ANKRD31: variants seen among roughly 807,000 people sequenced by gnomAD.
ANKRD31 encodes the protein ankyrin repeat domain-containing protein 31.
A neutral mutation model predicts 186.0 loss-of-function variants in ANKRD31; 147 were observed. The observed-to-expected ratio is 0.79, with a 90% CI of 0.69 to 0.91. The LOEUF (loss-of-function observed/expected upper bound fraction) is 0.91, where lower values mean the gene tolerates loss of function less well. Ranked by LOEUF, ANKRD31 falls within the 40% of genes least tolerant of loss-of-function variation. The pLI, the probability that ANKRD31 is intolerant of heterozygous loss-of-function variation, is 0.00. For synonymous variants in ANKRD31, 673 were observed against 736.4 expected (o/e 0.91, Z 1.39); for missense variants, 1,986 against 2,148.8 (o/e 0.92, Z 1.50).
At position 75,193,539 on chromosome 5, in the gene ANKRD31, A is replaced by G. The variant is rs1238839271; in HGVS notation, c.1070T>C (p.Ile357Thr). The G allele has an allele frequency of 4.6e-6, 7 of 1,536,740 alleles. No homozygotes were observed. Among genetic ancestry groups the G allele is most frequent in the Non-Finnish European group, 6.1e-6 (7 of 1,146,668 alleles). Residue 357 changes from isoleucine to threonine, a missense_variant, in exon 8 of 26, where the codon ATC becomes ACC. By Grantham distance (89) the Ile-to-Thr change is moderately conservative. Transcript: ENST00000506364. ...ATTACTTAGTGGCTCACAAGAAGTG[A>G]TATTTTGATGAGCCAAAGTTTGCAA... ...SGLQTLAHQN[I>T]TSCEPLSNKR...
At chr5:75,184,014 T>C (rs1754519410) in intron 10 of ANKRD31, among the ~76,000 whole-genome samples, 1 of 152,092 alleles carries the variant, frequency 6.6e-6, no homozygotes, top group African/African-American at 2.4e-5. Context: ...TACTTAGCTC[T>C]ATTAATGAGA....
rs1222041659 is a variant in ANKRD31 at position 75,112,517 on chromosome 5, A to G, written c.4239T>C (p.Asp1413=). ...LLEFEIRNPE[D]AEQYIEKMLK... ...TGAGTATGAGTCTATATTTACCTGC[A>G]TCTTCAGGGTTTCTTATTTCAAACT... is the stretch of plus-strand genomic sequence containing the variant. The change falls in exon 20 of 26, where the codon GAT becomes GAC. Residue 1413 remains aspartate, a synonymous_variant. Coordinates refer to ENST00000506364, the MANE Select transcript of ANKRD31 (RefSeq NM_001372053.1). The G allele has an allele frequency of 2.7e-5, 40 of 1,490,442 alleles. No individual in the cohort carries two copies. The highest frequency in any genetic ancestry group is 3.6e-5 in the Non-Finnish European group (40 of 1,108,542). The allele number at this position is 1,490,442 out of a possible 1,614,324, so 92.3% of individuals were successfully genotyped here.
chr5:75,154,478 G>T, intron 11 of ANKRD31, 133 bp from the exon 12 acceptor site: 1 of 802,208 alleles, frequency 1.2e-6, no homozygotes, highest in Non-Finnish European at 1.7e-6. Flanking sequence ...ATAAATCCTT[G>T]TCCAATAAAA....
intron 22 of ANKRD31, among the ~76,000 whole-genome samples, chr5:75,098,218 C>A (rs1301676435): frequency 6.6e-6 from 1 of 152,056 alleles, no homozygotes; most frequent in African/African-American, 2.4e-5. Flanking sequence ...TGGTCTCGAT[C>A]TCTTGACCTC....
intron 2 of ANKRD31, among the ~76,000 whole-genome samples, chr5:75,227,099 G>T (rs547271568): frequency 6.6e-6 from 1 of 152,222 alleles, no homozygotes; most frequent in East Asian, 1.9e-4. Flanking sequence ...GTACTATTCA[G>T]CCATGAAAAA....
rs578003442 is a variant in ANKRD31 at position 75,184,443 on chromosome 5, C to T, written c.1564+4050G>A. Among the ~76,000 whole-genome samples, 8 of 152,242 alleles carry T rather than the reference C, an allele frequency of 5.3e-5. No homozygotes were observed. The South Asian group carries it at 1.7e-3, about 32-fold the overall frequency. On this transcript the variant is annotated intron_variant, in intron 10 of 25. Coordinates refer to ENST00000506364, the MANE Select transcript of ANKRD31 (RefSeq NM_001372053.1). ...TCTGCACAGCACAGAAAACAATCAA[C>T]AGAGTCAAGAGACAACTTATAGAAT... is the stretch of plus-strand genomic sequence containing the variant.
At chr5:75,210,980 T>C in intron 3 of ANKRD31, 115 bp from the exon 4 acceptor site, 1 of 693,952 alleles carries the variant, frequency 1.4e-6, no homozygotes, top group South Asian at 2.3e-5. Flanking sequence ...CTTCTTTTTA[T>C]GGTGGTAAAA....
chr5:75,102,040 G>A (rs942896582), intron 22 of ANKRD31, among the ~76,000 whole-genome samples: 1 of 152,284 alleles, frequency 6.6e-6, no homozygotes, highest in Non-Finnish European at 1.5e-5. Context: ...TTTCTGCTCT[G>A]GTTTCTCCCC....
chr5:75,181,042 A>T (rs1280494937), intron 10 of ANKRD31, among the ~76,000 whole-genome samples: 1 of 152,124 alleles, frequency 6.6e-6, no homozygotes, highest in East Asian at 1.9e-4. Flanking sequence ...ACAAAAAAAA[A>T]AAACAAGCAA....
At chr5:75,202,518 A>G (rs1048180764) in intron 5 of ANKRD31, among the ~76,000 whole-genome samples, 7 of 152,236 alleles carry the variant, frequency 4.6e-5, no homozygotes, top group Admixed American at 1.3e-4. Context: ...AAATAATTCT[A>G]AAGCATCAAA....
intron 4 of ANKRD31, among the ~76,000 whole-genome samples, chr5:75,206,896 A>G (rs12173218): frequency 0.16 from 23,632 of 152,160 alleles, 2,077 homozygotes; most frequent in African/African-American, 0.23. Flanking sequence ...GTCATTAATG[A>G]TAAATTTCTC....
intron 25 of ANKRD31, among the ~76,000 whole-genome samples, chr5:75,069,570 G>A (rs1490388081): frequency 1.3e-5 from 2 of 151,758 alleles, no homozygotes; most frequent in Non-Finnish European, 2.9e-5. Flanking sequence ...TTTTGAGATG[G>A]AGTCTCACTC....
intron 14 of ANKRD31, 43 bp downstream of exon 14, chr5:75,145,944 A>G: frequency 7.5e-7 from 1 of 1,338,636 alleles, no homozygotes; most frequent in South Asian, 1.9e-5. Context: ...AAAATAAGTA[A>G]ATCTATAGGA....
chr5:75,198,351 C>A (rs142151185), intron 6 of ANKRD31, among the ~76,000 whole-genome samples: 142 of 152,236 alleles, frequency 9.3e-4, no homozygotes, highest in Non-Finnish European at 1.5e-3. Context: ...AGGCAGCAGG[C>A]CCATTTGCTT....
At chr5:75,223,257 G>A (rs1462249525) in intron 2 of ANKRD31, among the ~76,000 whole-genome samples, 1 of 151,828 alleles carries the variant, frequency 6.6e-6, no homozygotes, top group East Asian at 1.9e-4. Flanking sequence ...CCACTTTTAT[G>A]TGTTAATATT....
intron 21 of ANKRD31, among the ~76,000 whole-genome samples, chr5:75,107,185 G>T (rs1006351782): frequency 6.6e-6 from 1 of 151,924 alleles, no homozygotes; most frequent in African/African-American, 2.4e-5. Flanking sequence ...CAGCAAAAAA[G>T]AAACTTTTTT....
At chr5:75,176,328 G>C (rs867735086) in intron 10 of ANKRD31, among the ~76,000 whole-genome samples, 108 of 152,310 alleles carry the variant, frequency 7.1e-4, no homozygotes, top group Middle Eastern at 6.8e-3. Flanking sequence ...ACAAACAAAA[G>C]ACAGCCATAA....
At position 75,147,490 on chromosome 5, in the gene ANKRD31, A is replaced by C; in HGVS notation, c.1921T>G (p.Ser641Ala). The C allele has an allele frequency of 1.4e-6, 2 of 1,454,754 alleles. No homozygotes were observed. Among genetic ancestry groups the C allele is most frequent in the Non-Finnish European group, 1.8e-6 (2 of 1,113,116 alleles). The allele number at this position is 1,454,754 out of a possible 1,614,324, so 90.1% of individuals were successfully genotyped here. A position where few individuals can be genotyped will look rare whatever the true frequency, so the allele number is the denominator to read the frequency against. ...VYQHKKPKFSSKSHIWHVYNE... is the reference protein window; with the variant it reads ...VYQHKKPKFSAKSHIWHVYNE... ...TAAACATGCCAAATGTGACTTTTAG[A>C]ACTGAACTTTGGTTTCTATAGAAAA... is the stretch of plus-strand genomic sequence containing the variant. The change falls in exon 14 of 26, where the codon TCT becomes GCT. Residue 641 changes from serine to alanine, a missense_variant. By Grantham distance (99) the Ser-to-Ala change is moderately conservative (BLOSUM62 1). Coordinates refer to ENST00000506364, the MANE Select transcript of ANKRD31 (RefSeq NM_001372053.1).
chr5:75,179,121 C>T (rs923966602), intron 10 of ANKRD31, among the ~76,000 whole-genome samples: 5 of 151,956 alleles, frequency 3.3e-5, no homozygotes, highest in African/African-American at 9.7e-5. Flanking sequence ...TGCAAATAAA[C>T]TAGAAAATCT....
Sources: gnomAD v4.1 joint callset for allele counts (sites outside exome capture counted in the v4.1 genomes callset) on GRCh38, gnomAD v4.1.1 for gene constraint, MANE v1.5 for transcripts, NCBI Gene and HGNC (gene_info 2026-07-23, HGNC 2026-07-21) for gene names.